The following KCNIP4 variants were observed in gnomAD, a reference collection of about 807,000 sequenced individuals.
KCNIP4 encodes the protein Kv channel-interacting protein 4.
KCNIP4 carries 12 observed loss-of-function variants against 34.0 expected under a neutral mutation model. The ratio of observed to expected loss-of-function variants is 0.35; its 90% CI spans 0.23 to 0.57. The LOEUF is 0.57. Among genes scored for constraint, KCNIP4 ranks in the 20% least tolerant of loss-of-function variants. KCNIP4 has a pLI of 0.83. For missense variants in KCNIP4, 238 were observed against 311.7 expected (o/e 0.76, Z 1.78); for synonymous variants, 124 against 102.2 (o/e 1.21, Z -1.29).
At chr4:21,653,812 C>A (rs1033094575) in intron 1 of KCNIP4, among the ~76,000 whole-genome samples, 2 of 152,192 alleles carry the variant, frequency 1.3e-5, no homozygotes, top group Non-Finnish European at 2.9e-5. Context: ...GGCAGAGGAA[C>A]TGGACTTAGA....
intron 1 of KCNIP4, among the ~76,000 whole-genome samples, chr4:21,439,532 C>A (rs1392537082): frequency 2.0e-5 from 3 of 152,200 alleles, no homozygotes; most frequent in Non-Finnish European, 4.4e-5. Flanking sequence ...TACACATCTT[C>A]CAAGACTTCC....
intron 1 of KCNIP4, among the ~76,000 whole-genome samples, chr4:21,158,436 T>A (rs1164359693): frequency 6.6e-6 from 1 of 152,128 alleles, no homozygotes; most frequent in East Asian, 1.9e-4. Context: ...TAACAGTGTA[T>A]AAAATGATAA....
chr4:21,405,842 AT>A (rs1723935666), intron 1 of KCNIP4, among the ~76,000 whole-genome samples: 1 of 152,036 alleles, frequency 6.6e-6, no homozygotes, highest in Admixed American at 6.6e-5. Context: ...TATGTTATTT[AT>A]TTTTGTTTTG....
chr4:21,584,033 A>T (rs1741431672), intron 1 of KCNIP4, among the ~76,000 whole-genome samples: 1 of 152,058 alleles, frequency 6.6e-6, no homozygotes, highest in African/African-American at 2.4e-5. Flanking sequence ...GAATAATAAC[A>T]TAAGATTTAT....
At chr4:21,234,235 A>T (rs1046639943) in intron 1 of KCNIP4, among the ~76,000 whole-genome samples, 3 of 36,526 alleles carry the variant, frequency 8.2e-5, no homozygotes, top group African/African-American at 5.6e-4. Flanking sequence ...CATATATAAC[A>T]TATATATAAC....
At chr4:21,305,227 C>T (rs1484997441) in intron 1 of KCNIP4, among the ~76,000 whole-genome samples, 1 of 152,100 alleles carries the variant, frequency 6.6e-6, no homozygotes, top group Admixed American at 6.6e-5. Flanking sequence ...TGAAGGCATC[C>T]TTCACTTGGG....
chr4:20,873,204 T>C (rs1191569617), intron 2 of KCNIP4, among the ~76,000 whole-genome samples: 2 of 152,200 alleles, frequency 1.3e-5, no homozygotes, highest in Non-Finnish European at 2.9e-5. Context: ...TTTGGTATTA[T>C]GCCATTGAAG....
chr4:20,799,757 C>T (rs1330376893), intron 3 of KCNIP4, among the ~76,000 whole-genome samples: 1 of 152,192 alleles, frequency 6.6e-6, no homozygotes, highest in Non-Finnish European at 1.5e-5. Flanking sequence ...TCCCTCAGAT[C>T]CTGAGCTGCT....
intron 1 of KCNIP4, among the ~76,000 whole-genome samples, chr4:21,793,773 A>G (rs1577997708): frequency 6.6e-6 from 1 of 152,282 alleles, no homozygotes; most frequent in Non-Finnish European, 1.5e-5. Context: ...ACATGAAAAT[A>G]TACCACAGGG....
chr4:21,126,553 C>A (rs1475793868), intron 1 of KCNIP4, among the ~76,000 whole-genome samples: 3 of 120,456 alleles, frequency 2.5e-5, no homozygotes, highest in African/African-American at 3.4e-5. Flanking sequence ...TCAGGAAACA[C>A]AAAATTCAAC....
chr4:20,957,922 G>A (rs972149787), intron 1 of KCNIP4, among the ~76,000 whole-genome samples: 1 of 152,194 alleles, frequency 6.6e-6, no homozygotes, highest in African/African-American at 2.4e-5. Context: ...CTTCAGAGGT[G>A]CAGGCTTGAT....
chr4:20,920,905 C>G (rs1002361309), intron 1 of KCNIP4, among the ~76,000 whole-genome samples: 3 of 152,072 alleles, frequency 2.0e-5, no homozygotes, highest in Admixed American at 2.0e-4. Context: ...AGGAGAATTG[C>G]TTGAACCCGG....
intron 1 of KCNIP4, among the ~76,000 whole-genome samples, chr4:21,610,504 G>A (rs1388564091): frequency 1.3e-5 from 2 of 152,112 alleles, no homozygotes; most frequent in African/African-American, 4.8e-5. Flanking sequence ...GTACTGGAAC[G>A]TATTATAATC....
chr4:21,350,256 ACGTCT>A (rs1560315652), intron 1 of KCNIP4, among the ~76,000 whole-genome samples: 1 of 152,130 alleles, frequency 6.6e-6, no homozygotes, highest in Non-Finnish European at 1.5e-5. Flanking sequence ...TCATTCAGCA[ACGTCT>A]TTTATAAACT....
chr4:21,195,271 T>A (rs545671348), intron 1 of KCNIP4, among the ~76,000 whole-genome samples: 11 of 152,286 alleles, frequency 7.2e-5, no homozygotes, highest in African/African-American at 2.6e-4. Context: ...CACCCACAGA[T>A]AACTGAAGGA....
chr4:21,449,395 A>G (rs1304492836), intron 1 of KCNIP4, among the ~76,000 whole-genome samples: 1 of 152,124 alleles, frequency 6.6e-6, no homozygotes, highest in African/African-American at 2.4e-5. Flanking sequence ...AAGATGGATC[A>G]TATTTAGAGT....
At chr4:21,813,451 A>C (rs1721784785) in intron 1 of KCNIP4, among the ~76,000 whole-genome samples, 1 of 152,226 alleles carries the variant, frequency 6.6e-6, no homozygotes. Flanking sequence ...AGAATCATCC[A>C]TCTCTCAACA....
chr4:20,931,089 C>T (rs1730417103), intron 1 of KCNIP4, among the ~76,000 whole-genome samples: 4 of 151,930 alleles, frequency 2.6e-5, no homozygotes, highest in Admixed American at 2.6e-4. Context: ...TCTGCACTCC[C>T]ATGCTCATTG....
intron 1 of KCNIP4, among the ~76,000 whole-genome samples, chr4:20,948,386 A>T (rs1213629254): frequency 6.6e-6 from 1 of 152,240 alleles, no homozygotes; most frequent in Non-Finnish European, 1.5e-5. Context: ...CCTGAGTCAA[A>T]TACCAGGCTG....
Sources: gnomAD v4.1 joint callset for allele counts (sites outside exome capture counted in the v4.1 genomes callset) on GRCh38, gnomAD v4.1.1 for gene constraint, MANE v1.5 for transcripts, NCBI Gene and HGNC (gene_info 2026-07-23, HGNC 2026-07-21) for gene names.